The following CTNND2 variants were observed in gnomAD, a reference collection of about 807,000 sequenced individuals.
The protein encoded by CTNND2 is catenin delta-2.
CTNND2 carries 22 observed loss-of-function variants against 144.4 expected under a neutral mutation model. The ratio of observed to expected loss-of-function variants is 0.15; its 90% CI spans 0.11 to 0.22. The LOEUF (loss-of-function observed/expected upper bound fraction) is 0.22, where lower values mean the gene tolerates loss of function less well. CTNND2 is among the 10% of genes least tolerant of loss of function. The pLI is 1.00. For missense variants in CTNND2, 1,353 were observed against 1,618.8 expected, an observed-to-expected ratio of 0.84 and a Z score of 2.82; for synonymous variants, 751 against 695.6, an observed-to-expected ratio of 1.08 and a Z score of -1.25.
At chr5:11,433,874 T>C (rs1763521535) in intron 3 of CTNND2, among the ~76,000 whole-genome samples, 1 of 152,102 alleles carries the variant, frequency 6.6e-6, no homozygotes, top group Non-Finnish European at 1.5e-5. Context: ...AAATAGGTGG[T>C]TGTGTAAAAC....
At chr5:11,752,415 A>G (rs983930549) in intron 1 of CTNND2, among the ~76,000 whole-genome samples, 3 of 151,966 alleles carry the variant, frequency 2.0e-5, no homozygotes, top group African/African-American at 4.8e-5. Flanking sequence ...AATTTATCCT[A>G]GCAGCATTTA....
intron 18 of CTNND2, among the ~76,000 whole-genome samples, chr5:11,005,604 T>C (rs1740406705): frequency 6.6e-6 from 1 of 152,112 alleles, no homozygotes; most frequent in South Asian, 2.1e-4. Flanking sequence ...GAAGGAAGTA[T>C]TAGTTGGATA....
intron 12 of CTNND2, among the ~76,000 whole-genome samples, chr5:11,136,994 C>G (rs1384096250): frequency 6.6e-6 from 1 of 152,236 alleles, no homozygotes; most frequent in African/African-American, 2.4e-5. Flanking sequence ...TACCTGCTTA[C>G]TGCCTCCTTC....
At chr5:11,746,872 T>G (rs960303202) in intron 1 of CTNND2, among the ~76,000 whole-genome samples, 1 of 152,182 alleles carries the variant, frequency 6.6e-6, no homozygotes, top group African/African-American at 2.4e-5. Flanking sequence ...GGCACATAAA[T>G]GTCCTATAAC....
intron 9 of CTNND2, among the ~76,000 whole-genome samples, chr5:11,253,705 T>TA (rs1157254023): frequency 2.0e-5 from 3 of 152,206 alleles, no homozygotes; most frequent in Non-Finnish European, 4.4e-5. Flanking sequence ...ACCATCTAGA[T>TA]ATCTATGTCC....
chr5:11,597,161 T>C (rs1267322328), intron 2 of CTNND2, among the ~76,000 whole-genome samples: 1 of 152,216 alleles, frequency 6.6e-6, no homozygotes, highest in Non-Finnish European at 1.5e-5. Flanking sequence ...ATTGTTCTTC[T>C]AGAATTTTGA....
intron 9 of CTNND2, among the ~76,000 whole-genome samples, chr5:11,317,432 T>C (rs1751626002): frequency 6.6e-6 from 1 of 152,230 alleles, no homozygotes; most frequent in Admixed American, 6.5e-5. Flanking sequence ...GCATGATTTC[T>C]AAATATCACT....
chr5:11,427,892 G>C (rs1030972259), intron 3 of CTNND2, among the ~76,000 whole-genome samples: 7 of 152,128 alleles, frequency 4.6e-5, no homozygotes, highest in Non-Finnish European at 1.5e-5. Context: ...TCAAGACTGG[G>C]AGGAAAAAGA....
intron 2 of CTNND2, among the ~76,000 whole-genome samples, chr5:11,627,707 G>A (rs937833742): frequency 6.6e-6 from 1 of 151,564 alleles, no homozygotes; most frequent in Non-Finnish European, 1.5e-5. Flanking sequence ...GTGGGGGAGG[G>A]CAATGGTTTC....
chr5:11,083,699 A>C (rs1749838190), intron 15 of CTNND2, among the ~76,000 whole-genome samples: 1 of 152,256 alleles, frequency 6.6e-6, no homozygotes, highest in African/African-American at 2.4e-5. Flanking sequence ...AAATTCACAA[A>C]TGTAAGGGTT....
At chr5:11,753,446 T>C (rs1240929284) in intron 1 of CTNND2, among the ~76,000 whole-genome samples, 1 of 151,932 alleles carries the variant, frequency 6.6e-6, no homozygotes, top group Non-Finnish European at 1.5e-5. Context: ...TTCATGTTTT[T>C]AGTTCTATTT....
intron 10 of CTNND2, among the ~76,000 whole-genome samples, chr5:11,215,396 C>G (rs1739070900): frequency 6.6e-6 from 1 of 152,210 alleles, no homozygotes; most frequent in Non-Finnish European, 1.5e-5. Flanking sequence ...TATAAAATGC[C>G]TCTGCCCTAT....
At chr5:11,758,447 C>T (rs1283001362) in intron 1 of CTNND2, among the ~76,000 whole-genome samples, 2 of 151,896 alleles carry the variant, frequency 1.3e-5, no homozygotes, top group Admixed American at 1.3e-4. Context: ...AAAGCTCATT[C>T]GTCCTGTCTA....
intron 9 of CTNND2, among the ~76,000 whole-genome samples, chr5:11,311,962 C>T (rs1237621773): frequency 1.3e-5 from 2 of 148,298 alleles, no homozygotes; most frequent in Non-Finnish European, 1.5e-5. Flanking sequence ...CTATATACAC[C>T]TCCCACACAC....
intron 1 of CTNND2, among the ~76,000 whole-genome samples, chr5:11,885,201 T>A (rs1736429140): frequency 6.6e-6 from 1 of 152,138 alleles, no homozygotes; most frequent in Admixed American, 6.5e-5. Context: ...AAAAATTCCT[T>A]CCCCTTCAAT....
intron 11 of CTNND2, 120 bp from the exon 12 acceptor site, chr5:11,159,879 A>T (rs887761607): frequency 1.4e-6 from 1 of 712,048 alleles, no homozygotes; most frequent in Non-Finnish European, 2.3e-6. Flanking sequence ...GTGGACACAC[A>T]TCCTAGAGTG....
At chr5:11,792,076 A>G (rs1267112466) in intron 1 of CTNND2, among the ~76,000 whole-genome samples, 1 of 152,192 alleles carries the variant, frequency 6.6e-6, no homozygotes, top group African/African-American at 2.4e-5. Context: ...TGAAACCAGA[A>G]TTTCTCACCA....
At chr5:11,061,048 A>G (rs560172068) in intron 16 of CTNND2, among the ~76,000 whole-genome samples, 1 of 152,206 alleles carries the variant, frequency 6.6e-6, no homozygotes, top group Admixed American at 6.5e-5. Context: ...TCTACGTGGC[A>G]TGTCCCCTTT....
intron 18 of CTNND2, among the ~76,000 whole-genome samples, chr5:11,004,148 G>A (rs1215370366): frequency 2.6e-5 from 4 of 152,124 alleles, no homozygotes; most frequent in Admixed American, 6.5e-5. Flanking sequence ...ACAAAGAAAC[G>A]AAAACACCTG....
Sources: allele counts gnomAD v4.1 joint callset (sites outside exome capture counted in the v4.1 genomes callset), GRCh38; gene constraint gnomAD v4.1.1; transcripts MANE v1.5; gene names NCBI Gene and HGNC (gene_info 2026-07-23, HGNC 2026-07-21).